Variants in DERA observed in about 807,000 individuals in gnomAD.
DERA encodes the protein 2-deoxy-D-ribose 5-phosphate aldolase.
A neutral mutation model predicts 41.1 loss-of-function variants in DERA; 15 were observed. That is an observed-to-expected ratio of 0.37 (90% CI 0.24 to 0.56). The LOEUF (loss-of-function observed/expected upper bound fraction) is 0.56. Among genes scored for constraint, DERA ranks in the 20% least tolerant of loss-of-function variants. The pLI is 0.81. For synonymous variants in DERA, 139 were observed against 137.4 expected (o/e 1.01, Z -0.08); for missense variants, 396 against 403.4 (o/e 0.98, Z 0.16).
chr12:15,981,289 A>G lies in DERA; in HGVS notation c.509-1019A>G, dbSNP rs930603989. 6.6e-6 allele frequency among the ~76,000 whole-genome samples: 1 copy of G among 152,210 alleles called. No homozygotes were observed. Among genetic ancestry groups the G allele is most frequent in the African/African-American group, 2.4e-5 (1 of 41,456 alleles). ...CGTGAACCCCAGAGGCGGAGGTTGCAGTGAGCTGAGATCACGCCACTGCAC... is the reference window on the plus strand; with the variant it reads ...CGTGAACCCCAGAGGCGGAGGTTGCGGTGAGCTGAGATCACGCCACTGCAC... On this transcript the variant is annotated intron_variant, in intron 5 of 8. Transcript: ENST00000428559. The surrounding 1 kb of genome is among the most constrained non-coding windows in gnomAD (Gnocchi z 6.1).
chr12:15,938,589 GT>G lies in DERA; in HGVS notation c.32-18342del, dbSNP rs1232002809. Among the ~76,000 whole-genome samples, 1 of 152,072 alleles carries G rather than the reference GT, an allele frequency of 6.6e-6. No individual in the cohort carries two copies. The highest frequency in any genetic ancestry group is 1.9e-4 in the East Asian group (1 of 5,176). On this transcript the variant is annotated intron_variant, in intron 1 of 8. Coordinates refer to ENST00000428559, the MANE Select transcript of DERA (RefSeq NM_015954.4). This position sits in a 1 kb window ranked among gnomAD's most constrained non-coding sequence, Gnocchi z 4.1. ...CAATTGATTCTTACCCATGAAATGT[GT>G]TTTTAAAATTGAGAAAATATTTTCT...
rs2136135967 is a variant in DERA, at chr12:15,940,550, A to G, written c.32-16386A>G. 6.6e-6 allele frequency among the ~76,000 whole-genome samples: 1 copy of G among 152,136 alleles called. No individual in the cohort carries two copies. Among genetic ancestry groups the G allele is most frequent in the East Asian group, 1.9e-4 (1 of 5,170 alleles). Reference sequence around the variant, plus strand: ...GTATTTGTAGTAGAGACAGAGTTTCACCATGTTAGCCAAGATGGTCTTGAT... The same window carrying G: ...GTATTTGTAGTAGAGACAGAGTTTCGCCATGTTAGCCAAGATGGTCTTGAT... On this transcript the variant is annotated intron_variant, in intron 1 of 8. Coordinates refer to ENST00000428559, the MANE Select transcript of DERA (RefSeq NM_015954.4). This position sits in a 1 kb window ranked among gnomAD's most constrained non-coding sequence, Gnocchi z 5.1.
At chr12:15,937,900 T>C (rs1040662918) in intron 1 of DERA, among the ~76,000 whole-genome samples, 1 of 152,222 alleles carries the variant, frequency 6.6e-6, no homozygotes, top group African/African-American at 2.4e-5. Context: ...CATCAAATAT[T>C]TGTAGAACAT....
In DERA at chr12:16,029,784, C is replaced by T. The variant is rs1164138579; in HGVS notation, c.638-2758C>T. Among the ~76,000 whole-genome samples, 5 of 152,152 alleles carry T rather than the reference C, an allele frequency of 3.3e-5. No homozygotes were observed. The South Asian group carries it at 8.3e-4, about 25-fold the overall frequency. On this transcript the variant is annotated intron_variant, in intron 6 of 8. Transcript: ENST00000428559. ...CATAGTAGATCTTCTGCTTTGCTCT[C>T]CCAAATATATTAGAAAGAGAGTGTC... is the stretch of plus-strand genomic sequence containing the variant.
chr12:15,960,791 G>A (rs1948581866), intron 4 of DERA, among the ~76,000 whole-genome samples: 1 of 152,102 alleles, frequency 6.6e-6, no homozygotes, highest in South Asian at 2.1e-4. Flanking sequence ...TAAAGGATGA[G>A]GAGGAGTTCA....
chr12:15,939,188 A>G (rs1948392162), intron 1 of DERA, among the ~76,000 whole-genome samples: 1 of 152,228 alleles, frequency 6.6e-6, no homozygotes, highest in Admixed American at 6.5e-5. Flanking sequence ...GTCCCAGCAG[A>G]GCCCAGTCTT....
Position 16,021,230 on chromosome 12 carries a change from C to A in DERA, c.638-11312C>A, listed in dbSNP as rs1949015175. Among the ~76,000 whole-genome samples, 1 of 152,210 alleles carries A rather than the reference C, an allele frequency of 6.6e-6. No individual in the cohort carries two copies. Among genetic ancestry groups the A allele is most frequent in the Non-Finnish European group, 1.5e-5 (1 of 68,022 alleles). On this transcript the variant is annotated intron_variant, in intron 6 of 8. Coordinates refer to ENST00000428559, the MANE Select transcript of DERA (RefSeq NM_015954.4). This position sits in a 1 kb window ranked among gnomAD's most constrained non-coding sequence, Gnocchi z 5.3. ...GGAAAGAATGGTTTTAGGGGACAGG[C>A]CCAGAGCCCTACTGCCTTGCACAGC...
Position 15,982,217 on chromosome 12 carries a change from A to T in DERA, c.509-91A>T. 1 of 1,276,234 alleles carries T rather than the reference A, an allele frequency of 7.8e-7. No homozygotes were observed. The highest frequency in any genetic ancestry group is 1.1e-6 in the Non-Finnish European group (1 of 928,012). 79.1% of individuals were successfully genotyped at this position (1,276,234 alleles called of 1,614,324 possible). On this transcript the variant is annotated intron_variant, in intron 5 of 8. Transcript: ENST00000428559. This position sits in a 1 kb window ranked among gnomAD's most constrained non-coding sequence, Gnocchi z 4.0. ...GTGACAAATGTTTTATGTTTCCTAA[A>T]TGTGAAATGGGTTCCACCAGCTCTA...
chr12:15,931,870 C>T lies in DERA; in HGVS notation c.31+20456C>T, dbSNP rs544457377. On this transcript the variant is annotated intron_variant, in intron 1 of 8. Transcript: ENST00000428559. This position sits in a 1 kb window ranked among gnomAD's most constrained non-coding sequence, Gnocchi z 4.6. ...TTCCTTGTTTTTTCTTCTGTTGCTT[C>T]GTCTCTTGAGGAAGATCTTGTGAGT... is the stretch of plus-strand genomic sequence containing the variant. Among the ~76,000 whole-genome samples the T allele has an allele frequency of 6.6e-6, 1 of 152,136 alleles. No homozygotes were observed. The highest frequency in any genetic ancestry group is 2.4e-5 in the African/African-American group (1 of 41,408).
intron 5 of DERA, among the ~76,000 whole-genome samples, chr12:15,971,142 T>C (rs1948657011): frequency 6.6e-6 from 1 of 152,366 alleles, no homozygotes; most frequent in South Asian, 2.1e-4. Context: ...CTGGAAATTG[T>C]TCAGATGACA....
intron 6 of DERA, among the ~76,000 whole-genome samples, chr12:15,986,318 T>C (rs1430003614): frequency 6.6e-6 from 1 of 152,234 alleles, no homozygotes; most frequent in Non-Finnish European, 1.5e-5. Flanking sequence ...TTTTATTCAT[T>C]TACATTTCAT....
At chr12:16,029,322 C>T (rs1949074604) in intron 6 of DERA, among the ~76,000 whole-genome samples, 1 of 151,988 alleles carries the variant, frequency 6.6e-6, no homozygotes, top group Non-Finnish European at 1.5e-5. Flanking sequence ...ACTCGGGAGG[C>T]TGAGGCAGGA....
Position 15,967,956 on chromosome 12 carries a change from T to C in DERA, c.508+5009T>C, listed in dbSNP as rs965206707. 2.0e-5 allele frequency among the ~76,000 whole-genome samples: 3 copies of C among 152,112 alleles called. No homozygotes were observed. Among genetic ancestry groups the C allele is most frequent in the African/African-American group, 7.2e-5 (3 of 41,426 alleles). On this transcript the variant is annotated intron_variant, in intron 5 of 8. Coordinates refer to ENST00000428559, the MANE Select transcript of DERA (RefSeq NM_015954.4). This position sits in a 1 kb window ranked among gnomAD's most constrained non-coding sequence, Gnocchi z 4.9. Reference sequence around the variant, plus strand: ...CCCCTGGGCATTTGTGATAAAAGAATTGAGGTGTGTATGTGAGGGAGGAAT... The same window carrying C: ...CCCCTGGGCATTTGTGATAAAAGAACTGAGGTGTGTATGTGAGGGAGGAAT...
intron 6 of DERA, among the ~76,000 whole-genome samples, chr12:16,023,434 A>G (rs1432545327): frequency 6.6e-6 from 1 of 151,848 alleles, no homozygotes; most frequent in Non-Finnish European, 1.5e-5. Flanking sequence ...TCAACAAAAA[A>G]TACATTGGAT....
rs1371091283 is a variant in DERA at position 16,001,251 on chromosome 12, C to A, written c.637+18815C>A. ...CCTGCACATTCTGCACATGTTTATCCTATTTTTTTGTTTGTTTGTTTGTTT... is the reference window on the plus strand; with the variant it reads ...CCTGCACATTCTGCACATGTTTATCATATTTTTTTGTTTGTTTGTTTGTTT... On this transcript the variant is annotated intron_variant, in intron 6 of 8. Transcript: ENST00000428559. The surrounding 1 kb of genome is among the most constrained non-coding windows in gnomAD (Gnocchi z 4.1). 6.6e-6 allele frequency among the ~76,000 whole-genome samples: 1 copy of A among 152,062 alleles called. No homozygotes were observed. The highest frequency in any genetic ancestry group is 1.5e-5 in the Non-Finnish European group (1 of 68,014).
In DERA at chr12:15,911,464, G is replaced by A. The variant is rs1295919323; in HGVS notation, c.31+50G>A. 9 of 1,398,606 alleles carry A rather than the reference G, an allele frequency of 6.4e-6. No homozygotes were observed. The highest frequency in any genetic ancestry group is 3.2e-5 in the Admixed American group (1 of 31,050). 86.6% of individuals were successfully genotyped at this position (1,398,606 alleles called of 1,614,324 possible). A position where few individuals can be genotyped will look rare whatever the true frequency, so the allele number is the denominator to read the frequency against. Reference sequence around the variant, plus strand: ...TCCCCTCTCCCTCGCGTTCAGCGCCGCCGGGACTAGCGCGGGGCCTGCTGC... The same window carrying A: ...TCCCCTCTCCCTCGCGTTCAGCGCCACCGGGACTAGCGCGGGGCCTGCTGC... On this transcript the variant is annotated intron_variant, in intron 1 of 8. Transcript: ENST00000428559. This position sits in a 1 kb window ranked among gnomAD's most constrained non-coding sequence, Gnocchi z 4.5.
At chr12:15,937,370 G>A (rs921502984) in intron 1 of DERA, among the ~76,000 whole-genome samples, 5 of 152,186 alleles carry the variant, frequency 3.3e-5, no homozygotes, top group African/African-American at 1.2e-4. Context: ...ATATCATGAG[G>A]CACAGAATGA....
chr12:15,948,502 C>G (rs1948469490), intron 1 of DERA, among the ~76,000 whole-genome samples: 1 of 152,204 alleles, frequency 6.6e-6, no homozygotes, highest in Admixed American at 6.5e-5. Context: ...GCTACTGAAG[C>G]TTGTGTATTC....
intron 5 of DERA, among the ~76,000 whole-genome samples, chr12:15,978,218 A>C (rs1203625209): frequency 6.6e-6 from 1 of 152,216 alleles, no homozygotes; most frequent in Non-Finnish European, 1.5e-5. Context: ...GTACTGTCAA[A>C]GTCCTCAAAA....
Sources: gnomAD v4.1 joint callset for allele counts (sites outside exome capture counted in the v4.1 genomes callset) on GRCh38, gnomAD v4.1.1 for gene constraint, Gnocchi (gnomAD v3.1) non-coding constraint, MANE v1.5 for transcripts, NCBI Gene and HGNC (gene_info 2026-07-23, HGNC 2026-07-21) for gene names.